Variants in PRDM6 observed in about 807,000 individuals in gnomAD.
PRDM6 encodes the protein putative histone-lysine N-methyltransferase PRDM6.
In PRDM6, 25 loss-of-function variants were observed where a neutral mutation model predicts 60.8. The ratio of observed to expected loss-of-function variants is 0.41; its 90% confidence interval spans 0.30 to 0.57. PRDM6 has a LOEUF of 0.57. PRDM6 is among the 20% of genes least tolerant of loss of function. The pLI, the probability that PRDM6 is intolerant of heterozygous loss-of-function variation, is 0.27. For missense variants in PRDM6, 839 were observed against 821.3 expected, an observed-to-expected ratio of 1.02 and a Z score of -0.26; for synonymous variants, 407 against 357.4, an observed-to-expected ratio of 1.14 and a Z score of -1.57.
At chr5:123,128,014 C>G (rs371108198) in intron 3 of PRDM6, among the ~76,000 whole-genome samples, 1 of 151,720 alleles carries the variant, frequency 6.6e-6, no homozygotes, top group Non-Finnish European at 1.5e-5. Context: ...TGAGAACATG[C>G]GGTGTTTGGT....
At chr5:123,169,307 A>C (rs34758378) in intron 5 of PRDM6, among the ~76,000 whole-genome samples, 1,863 of 152,312 alleles carry the variant, frequency 0.012, 18 homozygotes, top group Middle Eastern at 0.054. Flanking sequence ...TTATTAACTC[A>C]CTAATGTCTT....
chr5:123,107,902 C>T (rs1241272432), intron 3 of PRDM6, among the ~76,000 whole-genome samples: 1 of 152,168 alleles, frequency 6.6e-6, no homozygotes, highest in Non-Finnish European at 1.5e-5. Context: ...AAACTGACTA[C>T]TTAGAAATTT....
chr5:123,090,551 C>T lies in PRDM6; in HGVS notation c.537C>T (p.Gly179=), dbSNP rs1763809548. 1.3e-6 allele frequency: 2 copies of T among 1,525,470 alleles called. No individual in the cohort carries two copies. The highest frequency in any genetic ancestry group is 1.7e-6 in the Non-Finnish European group (2 of 1,143,670). 94.5% of individuals were successfully genotyped at this position (1,525,470 alleles called of 1,614,324 possible). The change falls in exon 2 of 8, where the codon GGC becomes GGT. Residue 179 remains glycine (G), a synonymous_variant. Coordinates refer to ENST00000407847, the MANE Select transcript of PRDM6 (RefSeq NM_001136239.4). ...SAEELDYYLY[G]QQRMEIIPLN... is the part of the protein sequence containing the mutation. ...AGGAGCTGGACTATTACCTGTATGG[C>T]CAGCAGCGCATGGAGATCATCCCGC...
chr5:123,140,659 G>A (rs1475062850), intron 3 of PRDM6, among the ~76,000 whole-genome samples: 1 of 152,056 alleles, frequency 6.6e-6, no homozygotes, highest in Non-Finnish European at 1.5e-5. Context: ...ATAAAAAATG[G>A]CACATATCTT....
chr5:123,184,252 C>T (rs1766231476), intron 7 of PRDM6, among the ~76,000 whole-genome samples: 1 of 152,154 alleles, frequency 6.6e-6, no homozygotes, highest in African/African-American at 2.4e-5. Flanking sequence ...CTTTGTTAAG[C>T]TCCTCGTACA....
At chr5:123,104,098 T>G (rs1764156996) in intron 3 of PRDM6, among the ~76,000 whole-genome samples, 1 of 152,238 alleles carries the variant, frequency 6.6e-6, no homozygotes, top group Non-Finnish European at 1.5e-5. Context: ...TGTGATTTGG[T>G]TTTGTGCCAT....
intron 7 of PRDM6, among the ~76,000 whole-genome samples, chr5:123,185,853 A>G (rs1193034704): frequency 6.6e-6 from 1 of 152,170 alleles, no homozygotes; most frequent in East Asian, 1.9e-4. Flanking sequence ...GGAATGCCTA[A>G]CAGATAACAG....
chr5:123,180,770 G>A (rs985800636), intron 7 of PRDM6, among the ~76,000 whole-genome samples: 2 of 152,098 alleles, frequency 1.3e-5, no homozygotes, highest in African/African-American at 2.4e-5. Flanking sequence ...AACCCTTCAG[G>A]ATTCTGATGA....
intron 3 of PRDM6, among the ~76,000 whole-genome samples, chr5:123,129,852 G>A (rs969666430): frequency 6.6e-6 from 1 of 152,088 alleles, no homozygotes; most frequent in Non-Finnish European, 1.5e-5. Context: ...TCTAAGACAG[G>A]GAGAATCAGA....
At chr5:123,095,023 G>T (rs1763926279) in intron 2 of PRDM6, among the ~76,000 whole-genome samples, 1 of 152,240 alleles carries the variant, frequency 6.6e-6, no homozygotes, top group African/African-American at 2.4e-5. Flanking sequence ...TTAAACTCGC[G>T]TAGAGGGAGA....
intron 3 of PRDM6, among the ~76,000 whole-genome samples, chr5:123,103,005 G>A (rs1308417995): frequency 2.6e-5 from 4 of 151,892 alleles, no homozygotes; most frequent in Admixed American, 1.3e-4. Flanking sequence ...ATGACTTTTT[G>A]TTATTTAACA....
Position 123,189,363 on chromosome 5 carries a change from G to C in PRDM6, c.*2162G>C, listed in dbSNP as rs1240498260. 1 of 151,188 alleles carries C rather than the reference G, an allele frequency of 6.6e-6. No individual in the cohort carries two copies. The highest frequency in any genetic ancestry group is 1.5e-5 in the Non-Finnish European group (1 of 67,798). 9.4% of individuals were successfully genotyped at this position (151,188 alleles called of 1,614,324 possible). ...ATATTTCTAATTTTTTTTTTCATTTGAAAAATCAGCTCAGCCATTTGCCAC... is the reference window on the plus strand; with the variant it reads ...ATATTTCTAATTTTTTTTTTCATTTCAAAAATCAGCTCAGCCATTTGCCAC... On this transcript the variant is annotated 3_prime_UTR_variant, in exon 8 of 8. Coordinates refer to ENST00000407847, the MANE Select transcript of PRDM6 (RefSeq NM_001136239.4).
chr5:123,119,207 A>T (rs1447828798), intron 3 of PRDM6, among the ~76,000 whole-genome samples: 1 of 152,230 alleles, frequency 6.6e-6, no homozygotes, highest in African/African-American at 2.4e-5. Context: ...CTAAACCGAC[A>T]TCCAAACTAA....
At chr5:123,145,071 C>T (rs1257612467) in intron 3 of PRDM6, among the ~76,000 whole-genome samples, 1 of 152,172 alleles carries the variant, frequency 6.6e-6, no homozygotes, top group Non-Finnish European at 1.5e-5. Context: ...TTTATCCTTG[C>T]CCTCATTGAG....
intron 3 of PRDM6, among the ~76,000 whole-genome samples, chr5:123,109,845 A>G (rs1182732387): frequency 6.6e-6 from 1 of 152,248 alleles, no homozygotes; most frequent in Non-Finnish European, 1.5e-5. Context: ...CAGAAAAATC[A>G]TAAGGAAGCC....
intron 3 of PRDM6, among the ~76,000 whole-genome samples, chr5:123,116,065 G>A (rs531831860): frequency 6.6e-6 from 1 of 152,222 alleles, no homozygotes; most frequent in East Asian, 1.9e-4. Context: ...TTGTTGCTGT[G>A]CCCTCTCAAA....
chr5:123,150,130 C>G (rs1007891562), intron 3 of PRDM6, among the ~76,000 whole-genome samples: 6 of 152,144 alleles, frequency 3.9e-5, no homozygotes, highest in African/African-American at 1.4e-4. Flanking sequence ...CAGTCCTTTA[C>G]ATATACTCAC....
At chr5:123,123,632 T>C (rs1221912146) in intron 3 of PRDM6, among the ~76,000 whole-genome samples, 4 of 152,256 alleles carry the variant, frequency 2.6e-5, no homozygotes, top group Non-Finnish European at 5.9e-5. Context: ...TTATTTTCAT[T>C]TCTATTGCCT....
intron 3 of PRDM6, among the ~76,000 whole-genome samples, chr5:123,143,988 C>T (rs1336567075): frequency 6.6e-6 from 1 of 152,172 alleles, no homozygotes; most frequent in Non-Finnish European, 1.5e-5. Context: ...TCAATCCTGT[C>T]AGTCTATCTC....
Sources: gnomAD v4.1 joint callset for allele counts (sites outside exome capture counted in the v4.1 genomes callset) on GRCh38, gnomAD v4.1.1 for gene constraint, MANE v1.5 for transcripts, NCBI Gene and HGNC (gene_info 2026-07-23, HGNC 2026-07-21) for gene names.